MIA2: variants seen among roughly 807,000 people sequenced by gnomAD.
The protein encoded by MIA2 is MIA SH3 domain ER export factor 2, also known as melanoma inhibitory activity protein 2.
A neutral mutation model predicts 167.8 loss-of-function variants in MIA2; 127 were observed. The observed-to-expected ratio is 0.76, with a 90% CI of 0.66 to 0.88. MIA2 has a LOEUF of 0.88. MIA2 is among the 40% of genes least tolerant of loss of function. The probability of loss-of-function intolerance (pLI) is 0.00; values close to 1 mark genes in which losing one functional copy is unlikely to be tolerated. For synonymous variants in MIA2, 552 were observed against 541.9 expected (o/e 1.02, Z -0.26); for missense variants, 1,690 against 1,624.7 (o/e 1.04, Z -0.69).
intron 23 of MIA2, among the ~76,000 whole-genome samples, chr14:39,366,322 G>T (rs937156691): frequency 4.6e-5 from 7 of 152,126 alleles, no homozygotes; most frequent in Non-Finnish European, 1.0e-4. Flanking sequence ...GGGTAACTTT[G>T]TTGGGTGCTG....
chr14:39,299,802 C>T (rs2062101813), intron 13 of MIA2, 62 bp from the exon 14 acceptor site: 1 of 1,532,832 alleles, frequency 6.5e-7, no homozygotes, highest in Admixed American at 2.2e-5. Context: ...ATAATGCCTT[C>T]TTGGTATCTT....
intron 14 of MIA2, among the ~76,000 whole-genome samples, chr14:39,300,865 C>G (rs1028801676): frequency 6.6e-6 from 1 of 151,722 alleles, no homozygotes; most frequent in Non-Finnish European, 1.5e-5. Context: ...TATGTTGCTA[C>G]TAAGAATATT....
At chr14:39,298,427 A>G (rs71409414) in intron 13 of MIA2, among the ~76,000 whole-genome samples, 43,953 of 78,420 alleles carry the variant, frequency 0.56, 11,239 homozygotes, top group East Asian at 0.74. Flanking sequence ...ATATATATAT[A>G]TATATATATA....
rs1555390607 is a variant in MIA2, at chr14:39,314,810, A to ATATGTGTGGGTG, written c.3180+12_3180+13insATGTGTGGGTGT. 9.6e-7 allele frequency: 1 copy of ATATGTGTGGGTG among 1,042,866 alleles called. No individual in the cohort carries two copies. Among genetic ancestry groups the ATATGTGTGGGTG allele is most frequent in the African/African-American group, 1.7e-5 (1 of 57,772 alleles). 64.6% of individuals were successfully genotyped at this position (1,042,866 alleles called of 1,614,324 possible). A position where few individuals can be genotyped will look rare whatever the true frequency, so the allele number is the denominator to read the frequency against. ...TCTTATCAAGGGCAGGTATATATAT[A>ATATGTGTGGGTG]TGTGTGTGTGTGTGTGTGTGTGTGT... On this transcript the variant is annotated intron_variant, in intron 20 of 28. Transcript: ENST00000640607.
chr14:39,385,907 T>C (rs2075266056), intron 23 of MIA2: 1 of 872,092 alleles, frequency 1.1e-6, no homozygotes, highest in African/African-American at 1.7e-5. Flanking sequence ...TTATCTCCTC[T>C]ACCCCATCTT....
At chr14:39,354,960 G>A (rs1249126995), downstream of MIA2, among the ~76,000 whole-genome samples, 1 of 151,974 alleles carries the variant, frequency 6.6e-6, no homozygotes, top group South Asian at 2.1e-4. Context: ...TTTGGTTACT[G>A]TAGCCTTGTA....
At chr14:39,326,316 T>C (rs1005864345) in intron 24 of MIA2, among the ~76,000 whole-genome samples, 1 of 152,210 alleles carries the variant, frequency 6.6e-6, no homozygotes, top group South Asian at 2.1e-4. Flanking sequence ...AAAATCATTT[T>C]GGGGCAGAAG....
intron 9 of MIA2, among the ~76,000 whole-genome samples, chr14:39,285,654 G>A (rs558810816): frequency 7.7e-6 from 1 of 129,040 alleles, no homozygotes; most frequent in African/African-American, 2.9e-5. Context: ...GGCTGGCCGG[G>A]CTGGGGCTGA....
chr14:39,289,476 G>C (rs1566755114), intron 9 of MIA2, among the ~76,000 whole-genome samples: 2 of 152,158 alleles, frequency 1.3e-5, no homozygotes, highest in East Asian at 3.8e-4. Flanking sequence ...GCCTCCTAAA[G>C]TGCTAGGATT....
At chr14:39,288,482 T>TG (rs2060245100) in intron 9 of MIA2, among the ~76,000 whole-genome samples, 1 of 74,432 alleles carries the variant, frequency 1.3e-5, no homozygotes, top group Non-Finnish European at 2.8e-5. Context: ...TATATTTTTT[T>TG]TTTTTTTTTT....
At chr14:39,267,980 A>AT (rs10700134) in intron 6 of MIA2, among the ~76,000 whole-genome samples, 51,486 of 144,820 alleles carry the variant, frequency 0.36, 10,120 homozygotes, top group African/African-American at 0.53. Flanking sequence ...TTGATTCTGC[A>AT]TTTTTTTTTT....
intron 23 of MIA2, among the ~76,000 whole-genome samples, chr14:39,372,917 A>T (rs17109163): frequency 6.6e-6 from 1 of 152,108 alleles, no homozygotes; most frequent in African/African-American, 2.4e-5. Flanking sequence ...AGGATGCAAT[A>T]AAAAGTGTGT....
chr14:39,240,433 A>T, intron 2 of MIA2, 128 bp from the exon 3 acceptor site: 1 of 547,820 alleles, frequency 1.8e-6, no homozygotes, highest in East Asian at 3.1e-5. Context: ...TTATATGGAA[A>T]TTGATAGTCG....
At chr14:39,359,906 A>G (rs1449258930) in intron 23 of MIA2, among the ~76,000 whole-genome samples, 1 of 151,870 alleles carries the variant, frequency 6.6e-6, no homozygotes, top group African/African-American at 2.4e-5. Context: ...AGAAATCTCC[A>G]TACTCTTTGC....
downstream of MIA2, chr14:39,351,132 C>T (rs1045025997): frequency 2.0e-5 from 3 of 152,026 alleles, no homozygotes; most frequent in African/African-American, 4.8e-5. Context: ...GCTTCTTGCA[C>T]ATTAATATGA....
At chr14:39,314,572 C>T (rs541776529) in intron 19 of MIA2, among the ~76,000 whole-genome samples, 167 bp from the exon 20 acceptor site, 12 of 146,146 alleles carry the variant, frequency 8.2e-5, no homozygotes, top group African/African-American at 2.0e-4. Flanking sequence ...ACTGTAGAAC[C>T]TGTCAGAGGT....
intron 23 of MIA2, among the ~76,000 whole-genome samples, chr14:39,373,471 G>A (rs1453909997): frequency 1.3e-5 from 2 of 152,176 alleles, no homozygotes; most frequent in African/African-American, 4.8e-5. Flanking sequence ...ACAAAGAGCA[G>A]AGCATTATGA....
chr14:39,319,355 A>G, intron 23 of MIA2, 64 bp downstream of exon 23: 1 of 768,346 alleles, frequency 1.3e-6, no homozygotes, highest in Non-Finnish European at 1.9e-6. Context: ...TATATTGCAC[A>G]TATAGTTTCT....
chr14:39,239,529 T>G (rs775855862), intron 2 of MIA2, among the ~76,000 whole-genome samples: 6 of 152,126 alleles, frequency 3.9e-5, no homozygotes, highest in South Asian at 2.1e-4. Flanking sequence ...CACTCCAGCC[T>G]GGGCAACAGA....
Sources: gnomAD v4.1 joint callset for allele counts (sites outside exome capture counted in the v4.1 genomes callset) on GRCh38, gnomAD v4.1.1 for gene constraint, MANE v1.5 for transcripts, NCBI Gene and HGNC (gene_info 2026-07-23, HGNC 2026-07-21) for gene names.